ECRG4: variants seen among roughly 807,000 people sequenced by gnomAD.
ECRG4 encodes the protein augurin.
A neutral mutation model predicts 15.8 loss-of-function variants in ECRG4; 18 were observed. The ratio of observed to expected loss-of-function variants is 1.14; its 90% confidence interval spans 0.79 to 1.69. The LOEUF is 1.69. Among genes scored for constraint, ECRG4 ranks in the 40% most tolerant of loss-of-function variants. ECRG4 has a pLI of 0.00. For missense variants in ECRG4, 200 were observed against 190.9 expected (o/e 1.05, Z -0.28); for synonymous variants, 82 against 73.9 (o/e 1.11, Z -0.56).
At chr2:106,069,377 A>C (rs1456590029) in intron 1 of ECRG4, among the ~76,000 whole-genome samples, 1 of 141,388 alleles carries the variant, frequency 7.1e-6, no homozygotes, top group Non-Finnish European at 1.5e-5. Context: ...TCTGTCACGC[A>C]GAATGGAGTG....
At chr2:106,071,322 T>TAAAAAAAAAAAAAAAAAAAAAGAAAAAAA (rs1676363026) in intron 1 of ECRG4, among the ~76,000 whole-genome samples, 1 of 78,332 alleles carries the variant, frequency 1.3e-5, no homozygotes, top group Non-Finnish European at 2.3e-5. Context: ...GGTAAGGCTG[T>TAAAAAAAAAAAAAAAAAAAAAGAAAAAAA]AAAAAAAAAA....
chr2:106,074,680 T>C (rs1676448021), intron 3 of ECRG4, among the ~76,000 whole-genome samples: 1 of 152,238 alleles, frequency 6.6e-6, no homozygotes. Flanking sequence ...TCATAGATGC[T>C]GCCGCATGGG....
chr2:106,064,789 T>C (rs1051309451), upstream of ECRG4, among the ~76,000 whole-genome samples: 2 of 152,192 alleles, frequency 1.3e-5, no homozygotes, highest in East Asian at 1.9e-4. Context: ...TCCATCCTTT[T>C]GTAGCCCAGG....
At chr2:106,067,637 G>GCTTTTT (rs1553411577) in intron 1 of ECRG4, among the ~76,000 whole-genome samples, 1 of 149,824 alleles carries the variant, frequency 6.7e-6, no homozygotes, top group Admixed American at 6.6e-5. Context: ...GCCCAGCTAA[G>GCTTTTT]GTTTTTGTTT....
intron 3 of ECRG4, among the ~76,000 whole-genome samples, chr2:106,076,724 C>G (rs1457551507): frequency 6.6e-6 from 1 of 152,168 alleles, no homozygotes; most frequent in East Asian, 1.9e-4. Context: ...ATGCAGGAGG[C>G]ATGGAGTGGC....
Position 106,078,111 on chromosome 2 carries a change from CCT to C in ECRG4, c.*189_*190del. On this transcript the variant is annotated 3_prime_UTR_variant, in exon 4 of 4. Transcript: ENST00000238044. ...TGCCTTTTGATATTTCATGGGAATG[CCT>C]CTCATTTAAAAATAGAAATAAAGCA... 1 of 450,742 alleles carries C rather than the reference CCT, an allele frequency of 2.2e-6. No homozygotes were observed. The allele number at this position is 450,742 out of a possible 1,614,324, so 27.9% of individuals were successfully genotyped here.
At chr2:106,064,524 A>G (rs1389388681), upstream of ECRG4, among the ~76,000 whole-genome samples, 1 of 152,190 alleles carries the variant, frequency 6.6e-6, no homozygotes, top group Non-Finnish European at 1.5e-5. Context: ...CTAAAAATAC[A>G]AAATTAGCTG....
intron 1 of ECRG4, among the ~76,000 whole-genome samples, chr2:106,071,322 T>TAAAAAAAAAAAAAAAAAAAAAAAAA (rs10649647): frequency 4.0e-4 from 31 of 78,328 alleles, no homozygotes; most frequent in African/African-American, 5.9e-4. Flanking sequence ...GGTAAGGCTG[T>TAAAAAAAAAAAAAAAAAAAAAAAAA]AAAAAAAAAA....
intron 1 of ECRG4, chr2:106,071,087 A>G: frequency 2.2e-6 from 1 of 464,848 alleles, no homozygotes; most frequent in African/African-American, 2.0e-5. Context: ...TACAAATCAT[A>G]CTTGATTTTA....
intron 1 of ECRG4, among the ~76,000 whole-genome samples, chr2:106,068,252 G>C (rs1403130448): frequency 6.6e-6 from 1 of 152,148 alleles, no homozygotes; most frequent in Non-Finnish European, 1.5e-5. Flanking sequence ...TTTGCTGGGA[G>C]AGCTAATGCT....
chr2:106,076,444 C>T (rs1395578699), intron 3 of ECRG4, among the ~76,000 whole-genome samples: 1 of 152,106 alleles, frequency 6.6e-6, no homozygotes, highest in Non-Finnish European at 1.5e-5. Context: ...AGTCGGTGTC[C>T]TCCTTCCCAA....
intron 1 of ECRG4, among the ~76,000 whole-genome samples, chr2:106,071,611 A>G (rs979610091): frequency 6.6e-6 from 1 of 152,202 alleles, no homozygotes; most frequent in Admixed American, 6.5e-5. Flanking sequence ...ACTAGCTCAA[A>G]TAGTAATACC....
chr2:106,068,936 C>T (rs78701846), intron 1 of ECRG4, among the ~76,000 whole-genome samples: 2,508 of 152,262 alleles, frequency 0.016, 75 homozygotes, highest in African/African-American at 0.056. Flanking sequence ...TATGCTCAGA[C>T]GCCTCCAGCA....
rs774752960 is a variant in ECRG4 at position 106,073,890 on chromosome 2, T to C, written c.132T>C (p.Pro44=). 3 of 1,613,962 alleles carry C rather than the reference T, an allele frequency of 1.9e-6. No homozygotes were observed. Among genetic ancestry groups the C allele is most frequent in the East Asian group, 2.2e-5 (1 of 44,894 alleles). ...ATGGGGAATTGATGATTTCAGCACC[T>C]GTTCCAACTAAGACTAAAGTGGCCG... The part of the protein sequence containing the change: ...LKLMLQKREA[P]VPTKTKVAVD... The change falls in exon 3 of 4, where the codon CCT becomes CCC. Residue 44 remains proline, a synonymous_variant. Coordinates refer to ENST00000238044, the MANE Select transcript of ECRG4 (RefSeq NM_032411.3).
At chr2:106,069,591 T>C (rs1239672332) in intron 1 of ECRG4, among the ~76,000 whole-genome samples, 2 of 152,202 alleles carry the variant, frequency 1.3e-5, no homozygotes, top group South Asian at 4.1e-4. Context: ...TGCCTTGGCC[T>C]CCCAAAGTGC....
intron 1 of ECRG4, among the ~76,000 whole-genome samples, chr2:106,069,349 T>C (rs1003636322): frequency 6.0e-5 from 9 of 150,494 alleles, no homozygotes; most frequent in African/African-American, 2.0e-4. Flanking sequence ...TTTTTTTTTT[T>C]CTGAGATAGA....
At chr2:106,063,291 C>G (rs1573354611), upstream of ECRG4, 1 of 152,232 alleles carries the variant, frequency 6.6e-6, no homozygotes, top group East Asian at 1.9e-4. Flanking sequence ...TGACCAGACA[C>G]CAAATCTGCT....
chr2:106,077,441 A>C (rs982508035), intron 3 of ECRG4, among the ~76,000 whole-genome samples: 1 of 152,234 alleles, frequency 6.6e-6, no homozygotes, highest in Non-Finnish European at 1.5e-5. Context: ...GGTCAGGCCA[A>C]GTTGTTATGG....
In ECRG4 at chr2:106,077,676, C is replaced by A. The variant is rs1237413253; in HGVS notation, c.286-89C>A. ...GTTGTTAATCGTTGAAGAAAAACCA[C>A]CATGAAGAAAAGCCATAGGTAAGAT... is the stretch of plus-strand genomic sequence containing the variant. On this transcript the variant is annotated intron_variant, in intron 3 of 3. Coordinates refer to ENST00000238044, the MANE Select transcript of ECRG4 (RefSeq NM_032411.3). 3.2e-6 allele frequency: 4 copies of A among 1,233,940 alleles called. No homozygotes were observed. The African/African-American group carries it at 4.5e-5, about 14-fold the overall frequency. 76.4% of individuals were successfully genotyped at this position (1,233,940 alleles called of 1,614,324 possible). A position where few individuals can be genotyped will look rare whatever the true frequency, so the allele number is the denominator to read the frequency against.
Sources: allele counts gnomAD v4.1 joint callset (sites outside exome capture counted in the v4.1 genomes callset), GRCh38; gene constraint gnomAD v4.1.1; transcripts MANE v1.5; gene names NCBI Gene and HGNC (gene_info 2026-07-23, HGNC 2026-07-21).